Variants in KATNA1 observed in about 807,000 individuals in gnomAD.
KATNA1 encodes katanin p60 ATPase-containing subunit A1.
A neutral mutation model predicts 62.6 loss-of-function variants in KATNA1; 42 were observed. That is an observed-to-expected ratio of 0.67 (90% CI 0.52 to 0.87). The LOEUF (loss-of-function observed/expected upper bound fraction) is 0.87. KATNA1 is among the 40% of genes least tolerant of loss of function. KATNA1 has a pLI of 0.00. For missense variants in KATNA1, 498 were observed against 612.5 expected (o/e 0.81, Z 1.97); for synonymous variants, 186 against 201.9 (o/e 0.92, Z 0.67).
Position 149,632,825 on chromosome 6 carries a change from G to A in KATNA1, c.254C>T (p.Ala85Val), listed in dbSNP as rs150419039. The A allele has an allele frequency of 2.5e-4, 411 of 1,613,702 alleles. No individual in the cohort carries two copies. The highest frequency in any genetic ancestry group is 5.1e-5 in the Non-Finnish European group (60 of 1,179,776). ...AGAAGCTGGAAGGTCATGCTGTGCC[G>A]CTTTCAAGGGAGTGCTGTCCAGTTT... ...SFKLDSTPLK[A>V]AQHDLPASEG... Residue 85 changes from alanine (A) to valine (V), a missense_variant, in exon 3 of 11, where the codon GCG (alanine) becomes GTG (valine). This residue lies in a region of KATNA1 where 203 missense variants were observed against 198.4 expected (regional missense o/e 1.02). Coordinates refer to ENST00000367411, the MANE Select transcript of KATNA1 (RefSeq NM_007044.4).
At position 149,623,299 on chromosome 6, in the gene KATNA1, C is replaced by T. The variant is rs764547211; in HGVS notation, c.321-16G>A. On this transcript the variant is annotated splice_polypyrimidine_tract_variant and intron_variant, in intron 3 of 10. Transcript: ENST00000367411. ...TGGTGAGGGTCTAATCAAACAAAAA[C>T]TCATTAATATCATAATCAACTCCAC... The T allele has an allele frequency of 7.0e-6, 11 of 1,564,390 alleles. No individual in the cohort carries two copies. In the East Asian group the frequency reaches 2.3e-4, roughly 32 times the overall value.
chr6:149,627,255 G>A (rs116184455), intron 3 of KATNA1, among the ~76,000 whole-genome samples: 8 of 151,776 alleles, frequency 5.3e-5, no homozygotes, highest in African/African-American at 1.5e-4. Context: ...TTGGCTGGCC[G>A]TGGTGGCTCA....
intron 1 of KATNA1, among the ~76,000 whole-genome samples, chr6:149,646,728 G>C (rs942427163): frequency 2.0e-5 from 3 of 152,134 alleles, no homozygotes; most frequent in African/African-American, 7.2e-5. Context: ...TAAACTTTCA[G>C]TTTACCCTAA....
intron 6 of KATNA1, 134 bp from the exon 7 acceptor site, chr6:149,601,886 CAGG>C: frequency 1.9e-6 from 1 of 538,664 alleles, no homozygotes; most frequent in Non-Finnish European, 3.0e-6. Flanking sequence ...AACAGATAAA[CAGG>C]AGGATACTTT....
Position 149,614,000 on chromosome 6 carries a change from T to C in KATNA1, c.501+9103A>G, listed in dbSNP as rs73781284. ...GAGGATGCAGCCCTCACCAAACAAC[T>C]GAACATGCCAGCACCCTGATCTTGG... On this transcript the variant is annotated intron_variant, in intron 4 of 10. Transcript: ENST00000367411. Among the ~76,000 whole-genome samples, 587 of 152,262 alleles carry C rather than the reference T, an allele frequency of 3.9e-3. 4 individuals are homozygous for C. Among genetic ancestry groups the C allele is most frequent in the African/African-American group, 0.013 (559 of 41,556 alleles).
rs759416281 is a variant in KATNA1, at chr6:149,603,325, G to A, written c.672C>T (p.Ala224=). ...CGGGCATCCACATTGGTAACACTAC[G>A]GCTTCCTTAAGCAACTTTTTAGCTT... is the stretch of plus-strand genomic sequence containing the variant. ...LVEAKKLLKE[A]VVLPMWMPEF... The change falls in exon 6 of 11, where the codon GCC becomes GCT. Residue 224 remains alanine, a synonymous_variant. Coordinates refer to ENST00000367411, the MANE Select transcript of KATNA1 (RefSeq NM_007044.4). 1.9e-5 allele frequency: 31 copies of A among 1,602,532 alleles called. 1 individual carries two copies. The highest frequency in any genetic ancestry group is 7.8e-5 in the South Asian group (7 of 89,620).
At chr6:149,615,224 G>C (rs1582773782) in intron 4 of KATNA1, among the ~76,000 whole-genome samples, 1 of 145,574 alleles carries the variant, frequency 6.9e-6, no homozygotes, top group East Asian at 2.0e-4. Context: ...TTTTTTTTGA[G>C]ATGGAGTTTT....
At chr6:149,646,895 A>G (rs1780505775) in intron 1 of KATNA1, among the ~76,000 whole-genome samples, 1 of 152,252 alleles carries the variant, frequency 6.6e-6, no homozygotes, top group Non-Finnish European at 1.5e-5. Flanking sequence ...AAGTGGCTAA[A>G]AAAACCCAAA....
intron 1 of KATNA1, among the ~76,000 whole-genome samples, chr6:149,647,197 CA>C: frequency 6.6e-6 from 1 of 151,286 alleles, no homozygotes. Flanking sequence ...AATGTTAATA[CA>C]AAACAAAGTT....
At chr6:149,614,133 C>T (rs1041255405) in intron 4 of KATNA1, among the ~76,000 whole-genome samples, 2 of 152,160 alleles carry the variant, frequency 1.3e-5, no homozygotes, top group Admixed American at 1.3e-4. Flanking sequence ...CAACTCAGCC[C>T]GTAGGCCCTT....
chr6:149,623,341 A>G, intron 3 of KATNA1, 58 bp from the exon 4 acceptor site: 1 of 1,266,510 alleles, frequency 7.9e-7, no homozygotes, highest in African/African-American at 1.5e-5. Context: ...ATGAACACAC[A>G]TACTGTGTAA....
intron 7 of KATNA1, among the ~76,000 whole-genome samples, chr6:149,600,082 G>A (rs928126647): frequency 6.6e-6 from 1 of 150,878 alleles, no homozygotes; most frequent in African/African-American, 2.4e-5. Flanking sequence ...AGTGGTACAC[G>A]ACTGAAGTCC....
At chr6:149,613,855 C>T (rs1331726091) in intron 4 of KATNA1, among the ~76,000 whole-genome samples, 1 of 152,136 alleles carries the variant, frequency 6.6e-6, no homozygotes. Context: ...GGGGATTATG[C>T]CACAAGGGTT....
intron 4 of KATNA1, among the ~76,000 whole-genome samples, chr6:149,622,747 T>C (rs1169160680): frequency 9.1e-6 from 1 of 110,116 alleles, no homozygotes; most frequent in East Asian, 3.1e-4. Flanking sequence ...TCCCAGCACC[T>C]TGGGAGGCCT....
In KATNA1 at chr6:149,635,703, C is replaced by T. The variant is rs188778086; in HGVS notation, c.162+2683G>A. Among the ~76,000 whole-genome samples, 918 of 151,574 alleles carry T rather than the reference C, an allele frequency of 6.1e-3. 14 individuals are homozygous for T. The highest frequency in any genetic ancestry group is 0.021 in the African/African-American group (881 of 41,308). On this transcript the variant is annotated intron_variant, in intron 2 of 10. Transcript: ENST00000367411. ...CAGCCTGGGCAACAGAGTGAGACTC[C>T]GTCTCAAAACAAACAAACAAACAAA... is the stretch of plus-strand genomic sequence containing the variant.
chr6:149,631,404 A>G (rs1324085706), intron 3 of KATNA1: 1 of 152,228 alleles, frequency 6.6e-6, no homozygotes, highest in East Asian at 1.9e-4. Flanking sequence ...GTCTCAAAAA[A>G]CAAATAAATA....
chr6:149,597,227 G>C (rs764457155), intron 9 of KATNA1, 38 bp from the exon 10 acceptor site: 3 of 1,602,242 alleles, frequency 1.9e-6, no homozygotes, highest in Non-Finnish European at 2.6e-6. Flanking sequence ...TAAGCCTGCA[G>C]CATAAACATA....
At chr6:149,602,236 A>G (rs1778574343) in intron 6 of KATNA1, among the ~76,000 whole-genome samples, 2 of 152,138 alleles carry the variant, frequency 1.3e-5, no homozygotes, top group South Asian at 4.2e-4. Flanking sequence ...GCGTGGTGGT[A>G]CATGCCTGTA....
intron 5 of KATNA1, among the ~76,000 whole-genome samples, chr6:149,604,051 T>G (rs1043058569): frequency 6.6e-6 from 1 of 152,258 alleles, no homozygotes; most frequent in Non-Finnish European, 1.5e-5. Flanking sequence ...CTTTTATAAC[T>G]CATTGTAATA....
Sources: allele counts gnomAD v4.1 joint callset (sites outside exome capture counted in the v4.1 genomes callset), GRCh38; gene constraint gnomAD v4.1.1; regional missense constraint gnomAD v4.1.1; transcripts MANE v1.5; gene names NCBI Gene and HGNC (gene_info 2026-07-23, HGNC 2026-07-21).